The following CCDC33 variants were observed in gnomAD, a reference collection of about 807,000 sequenced individuals.
CCDC33 encodes coiled-coil domain containing 33, also known as coiled-coil domain-containing protein 33.
A neutral mutation model predicts 91.9 loss-of-function variants in CCDC33; 94 were observed. That is an observed-to-expected ratio of 1.02 (90% CI 0.87 to 1.21). The LOEUF (loss-of-function observed/expected upper bound fraction) is 1.21. Among genes scored for constraint, CCDC33 ranks in the 50% most tolerant of loss-of-function variants. The pLI, the probability that CCDC33 is intolerant of heterozygous loss-of-function variation, is 0.00. For synonymous variants in CCDC33, 396 were observed against 374.5 expected, an observed-to-expected ratio of 1.06 and a Z score of -0.66; for missense variants, 940 against 935.5, an observed-to-expected ratio of 1.00 and a Z score of -0.06.
chr15:74,240,339 C>T (rs371439240), intron 1 of CCDC33, among the ~76,000 whole-genome samples: 3 of 152,202 alleles, frequency 2.0e-5, no homozygotes, highest in African/African-American at 7.2e-5. Flanking sequence ...CAATGAGAGC[C>T]CCTGGACAAT....
chr15:74,207,446 C>G (rs1356682155), intron 1 of CCDC33, among the ~76,000 whole-genome samples: 9 of 152,166 alleles, frequency 5.9e-5, no homozygotes. Context: ...CACTCAAACT[C>G]TGGCAAACTC....
intron 1 of CCDC33, among the ~76,000 whole-genome samples, chr15:74,237,130 C>T (rs1184693019): frequency 3.3e-5 from 5 of 152,242 alleles, no homozygotes; most frequent in African/African-American, 1.2e-4. Flanking sequence ...TGCCCCCATG[C>T]TCTCCAATCC....
At chr15:74,320,095 A>T (rs1193867169) in intron 11 of CCDC33, among the ~76,000 whole-genome samples, 1 of 152,130 alleles carries the variant, frequency 6.6e-6, no homozygotes, top group Non-Finnish European at 1.5e-5. Flanking sequence ...CCCAGATGAC[A>T]TTCGAGGGGA....
upstream of CCDC33, among the ~76,000 whole-genome samples, chr15:74,232,355 C>A (rs761813177): frequency 1.3e-5 from 2 of 152,192 alleles, no homozygotes; most frequent in Non-Finnish European, 2.9e-5. Flanking sequence ...AAGAGGGAGA[C>A]TACAGCGCCT....
intron 11 of CCDC33, among the ~76,000 whole-genome samples, chr15:74,319,128 G>A (rs925298672): frequency 6.6e-6 from 1 of 152,060 alleles, no homozygotes; most frequent in Admixed American, 6.5e-5. Flanking sequence ...GGCTGGGGCC[G>A]CCCCAGTAAG....
At position 74,331,007 on chromosome 15, in the gene CCDC33, C is replaced by T. The variant is rs1174342748; in HGVS notation, c.1572C>T (p.Leu524=). 1 of 1,604,214 alleles carries T rather than the reference C, an allele frequency of 6.2e-7. No homozygotes were observed. The change falls in exon 14 of 19, where the codon CTC becomes CTT. Residue 524 remains leucine, a synonymous_variant. Coordinates refer to ENST00000398814, the MANE Select transcript of CCDC33 (RefSeq NM_025055.5). The stretch of plus-strand genomic sequence containing the variant: ...AGAATGATCGAGAGAAGGAGCTGCT[C>T]CTTCTGTATCAGGCCCAGCAGCCAC... The part of the protein sequence containing the change: ...IRKNDREKEL[L]LLYQAQQPQA...
Position 74,244,818 on chromosome 15 carries a change from G to T in CCDC33, c.185+670G>T, listed in dbSNP as rs2075467972. The stretch of plus-strand genomic sequence containing the variant: ...CCTTCGCTGGGGACACTGAATATTT[G>T]CTCAATCTTTATTATAAAGCACCCT... On this transcript the variant is annotated intron_variant, in intron 2 of 18. Coordinates refer to ENST00000398814, the MANE Select transcript of CCDC33 (RefSeq NM_025055.5). The surrounding 1 kb of genome is among the most constrained non-coding windows in gnomAD (Gnocchi z 4.2). Among the ~76,000 whole-genome samples the T allele has an allele frequency of 6.6e-6, 1 of 152,146 alleles. No homozygotes were observed. Among genetic ancestry groups the T allele is most frequent in the Non-Finnish European group, 1.5e-5 (1 of 68,024 alleles).
rs376023909 is a variant in CCDC33, at chr15:74,266,740, A to T, written c.382A>T (p.Ile128Phe). 122 of 1,614,114 alleles carry T rather than the reference A, an allele frequency of 7.6e-5. No individual in the cohort carries two copies. The highest frequency in any genetic ancestry group is 9.1e-5 in the Non-Finnish European group (107 of 1,180,040). ...KQELLSYKIP[I>F]KYLRVFHPYH... ...GGAGTTGTTGTCCTACAAAATCCCCATCAAGTACCTGCGTGTCTTCCACCC... is the reference window on the plus strand; with the variant it reads ...GGAGTTGTTGTCCTACAAAATCCCCTTCAAGTACCTGCGTGTCTTCCACCC... The change falls in exon 4 of 19, where the codon ATC (isoleucine) becomes TTC (phenylalanine). Residue 128 changes from isoleucine to phenylalanine, a missense_variant. By Grantham distance (21) the Ile-to-Phe change is conservative. Transcript: ENST00000398814.
At chr15:74,235,657 A>G (rs2075130552), upstream of CCDC33, among the ~76,000 whole-genome samples, 1 of 152,140 alleles carries the variant, frequency 6.6e-6, no homozygotes, top group Non-Finnish European at 1.5e-5. Flanking sequence ...TCACCTCACC[A>G]AAAGCACTTA....
At chr15:74,212,302 T>A (rs1435069563), upstream of CCDC33, 1 of 152,260 alleles carries the variant, frequency 6.6e-6, no homozygotes, top group Non-Finnish European at 1.5e-5. Flanking sequence ...GCAGTAAGGC[T>A]ACCTTCTCCC....
rs546845994 is a variant in CCDC33, at chr15:74,310,978, G to A, written c.1290+15030G>A. On this transcript the variant is annotated intron_variant, in intron 11 of 18. Coordinates refer to ENST00000398814, the MANE Select transcript of CCDC33 (RefSeq NM_025055.5). Reference sequence around the variant, plus strand: ...GGGTGGCCTGGAGCCTGGCAGCAGTGAGGTGGTTTTCCGCAACACAGGGCT... The same window carrying A: ...GGGTGGCCTGGAGCCTGGCAGCAGTAAGGTGGTTTTCCGCAACACAGGGCT... Among the ~76,000 whole-genome samples, 3 of 152,330 alleles carry A rather than the reference G, an allele frequency of 2.0e-5. No individual in the cohort carries two copies. The South Asian group carries it at 6.2e-4, about 32-fold the overall frequency.
At chr15:74,242,192 C>G (rs907406390) in intron 1 of CCDC33, among the ~76,000 whole-genome samples, 4 of 152,354 alleles carry the variant, frequency 2.6e-5, no homozygotes, top group African/African-American at 9.6e-5. Flanking sequence ...CCAGATAGGT[C>G]GGTCCAAGTC....
At chr15:74,207,653 C>T in intron 1 of CCDC33, 3 of 1,512,764 alleles carry the variant, frequency 2.0e-6, no homozygotes, top group Non-Finnish European at 2.7e-6. Context: ...AGAGAACACG[C>T]AAGAGAGGCG....
chr15:74,294,262 C>G (rs2059637471), intron 10 of CCDC33, among the ~76,000 whole-genome samples: 1 of 152,204 alleles, frequency 6.6e-6, no homozygotes, highest in Non-Finnish European at 1.5e-5. Context: ...ATTCCAACAG[C>G]TGGTGCAGGG....
intron 11 of CCDC33, among the ~76,000 whole-genome samples, chr15:74,329,843 C>T (rs1246405419): frequency 2.0e-5 from 3 of 152,186 alleles, no homozygotes; most frequent in Non-Finnish European, 4.4e-5. Context: ...TAGCTATGAT[C>T]GAGCCAGACC....
chr15:74,318,394 T>C, intron 11 of CCDC33: 1 of 524,072 alleles, frequency 1.9e-6, no homozygotes, highest in Non-Finnish European at 3.3e-6. Context: ...CTCCATACAA[T>C]TCTGTGGCCA....
At chr15:74,333,791 G>A (rs979215513) in intron 16 of CCDC33, 90 bp from the exon 17 acceptor site, 3 of 1,043,126 alleles carry the variant, frequency 2.9e-6, no homozygotes, top group Admixed American at 3.9e-5. Flanking sequence ...AGGCCTGACT[G>A]GTTTCTTCCT....
intron 11 of CCDC33, among the ~76,000 whole-genome samples, chr15:74,322,617 A>G (rs2060229035): frequency 6.6e-6 from 1 of 152,182 alleles, no homozygotes; most frequent in Non-Finnish European, 1.5e-5. Context: ...GGCTGGCTGG[A>G]CCACCTGGAG....
intron 11 of CCDC33, among the ~76,000 whole-genome samples, chr15:74,312,678 A>G (rs1031789278): frequency 6.6e-6 from 1 of 152,120 alleles, no homozygotes; most frequent in Non-Finnish European, 1.5e-5. Context: ...CCTCCTGCTC[A>G]GATGTGACAG....
Sources: allele counts gnomAD v4.1 joint callset (sites outside exome capture counted in the v4.1 genomes callset), GRCh38; gene constraint gnomAD v4.1.1; non-coding constraint Gnocchi (gnomAD v3.1); transcripts MANE v1.5; gene names NCBI Gene and HGNC (gene_info 2026-07-23, HGNC 2026-07-21).